The following SIPA1L3 variants were observed in gnomAD, a reference collection of about 807,000 sequenced individuals.
SIPA1L3 encodes signal-induced proliferation-associated 1-like protein 3.
Under a neutral mutation model 150.1 loss-of-function variants are expected in SIPA1L3, and 59 were observed. The observed-to-expected ratio is 0.39, with a 90% confidence interval of 0.32 to 0.49. SIPA1L3 has a LOEUF of 0.49. SIPA1L3 is among the 20% of genes least tolerant of loss of function. The pLI is 0.86. For missense variants in SIPA1L3, 2,211 were observed against 2,489.5 expected (o/e 0.89, Z 2.38); for synonymous variants, 1,070 against 1,077.6 (o/e 0.99, Z 0.14).
At chr19:38,152,811 C>G in intron 12 of SIPA1L3, 29 bp from the exon 13 acceptor site, 3 of 1,593,716 alleles carry the variant, frequency 1.9e-6, no homozygotes, top group Non-Finnish European at 2.6e-6. Flanking sequence ...GATCTTTAAC[C>G]CTGGGCACGT....
intron 1 of SIPA1L3, among the ~76,000 whole-genome samples, chr19:38,000,726 G>A (rs1967763817): frequency 1.4e-5 from 2 of 143,938 alleles, no homozygotes; most frequent in Non-Finnish European, 3.0e-5. Flanking sequence ...ACTTTAAAGA[G>A]AGAAAATGTC....
At chr19:37,927,698 A>G (rs1280847265) in intron 1 of SIPA1L3, among the ~76,000 whole-genome samples, 1 of 133,832 alleles carries the variant, frequency 7.5e-6, no homozygotes, top group Non-Finnish European at 1.6e-5. Flanking sequence ...TGTGTATGCA[A>G]TGTTTAGCTC....
intron 15 of SIPA1L3, among the ~76,000 whole-genome samples, chr19:38,175,184 C>T (rs1972410668): frequency 1.3e-5 from 2 of 152,106 alleles, no homozygotes; most frequent in East Asian, 1.9e-4. Context: ...GGGGTTGCTA[C>T]GGCGGCTAAG....
Position 37,973,559 on chromosome 19 carries a change from G to GGT in SIPA1L3, c.-378-55530_-378-55529insGT, listed in dbSNP as rs779351790. Among the ~76,000 whole-genome samples, 18 of 142,874 alleles carry GGT rather than the reference G, an allele frequency of 1.3e-4. 1 individual carries two copies. Among genetic ancestry groups the GGT allele is most frequent in the Admixed American group, 6.2e-4 (9 of 14,570 alleles). The allele number at this position is 142,874 out of a possible 152,430, so 93.7% of individuals were successfully genotyped here. A position where few individuals can be genotyped will look rare whatever the true frequency, so the allele number is the denominator to read the frequency against. On this transcript the variant is annotated intron_variant, in intron 1 of 21. Coordinates refer to ENST00000222345, the MANE Select transcript of SIPA1L3 (RefSeq NM_015073.3). ...CAAAAAAAAAAAAAAAAAAAAGCGG[G>GGT]AGGGGGGCGCATCTTGAAGCACTAA...
intron 2 of SIPA1L3, among the ~76,000 whole-genome samples, chr19:38,065,186 G>A (rs1314784017): frequency 6.6e-6 from 1 of 152,202 alleles, no homozygotes; most frequent in South Asian, 2.1e-4. Flanking sequence ...GTGAACACAA[G>A]GTGGGGTGCA....
intron 2 of SIPA1L3, among the ~76,000 whole-genome samples, chr19:38,038,554 G>C (rs1599938830): frequency 7.2e-6 from 1 of 139,184 alleles, no homozygotes; most frequent in South Asian, 2.2e-4. Flanking sequence ...TCACGTCACT[G>C]CACTGTAGCC....
chr19:38,039,328 G>T (rs1373785561), intron 2 of SIPA1L3, among the ~76,000 whole-genome samples: 1 of 147,718 alleles, frequency 6.8e-6, no homozygotes, highest in Admixed American at 6.9e-5. Flanking sequence ...AATGCCATAC[G>T]TGCCCCAAAA....
chr19:38,128,490 A>G (rs898539842), intron 9 of SIPA1L3, among the ~76,000 whole-genome samples: 2 of 152,232 alleles, frequency 1.3e-5, no homozygotes, highest in Admixed American at 1.3e-4. Context: ...TTTGAATTGC[A>G]AGGAATATTT....
At chr19:38,122,678 G>A (rs958300937) in intron 9 of SIPA1L3, among the ~76,000 whole-genome samples, 1 of 152,088 alleles carries the variant, frequency 6.6e-6, no homozygotes, top group African/African-American at 2.4e-5. Context: ...GCTCCCTGTC[G>A]ACTTCTCTGA....
Position 38,081,450 on chromosome 19 carries a change from G to A in SIPA1L3, c.-116G>A. 2.0e-6 allele frequency: 2 copies of A among 979,338 alleles called. No homozygotes were observed. Among genetic ancestry groups the A allele is most frequent in the Admixed American group, 5.3e-5 (2 of 37,864 alleles). The allele number at this position is 979,338 out of a possible 1,614,324, so 60.7% of individuals were successfully genotyped here. ...TCACAACCTTCCTGTCAGGTTTCAG[G>A]GCCCAGCATCCTTCATCCTGGGCCT... On this transcript the variant is annotated 5_prime_UTR_variant, in exon 3 of 22. Coordinates refer to ENST00000222345, the MANE Select transcript of SIPA1L3 (RefSeq NM_015073.3).
At chr19:37,964,525 C>G (rs1310939959) in intron 1 of SIPA1L3, 1 of 154,790 alleles carries the variant, frequency 6.5e-6, no homozygotes, top group Non-Finnish European at 1.4e-5. Context: ...GACAGAGTCT[C>G]ACTCTGTCAT....
chr19:38,017,768 C>T (rs1968272000), intron 1 of SIPA1L3, among the ~76,000 whole-genome samples: 1 of 152,054 alleles, frequency 6.6e-6, no homozygotes, highest in South Asian at 2.1e-4. Context: ...TGGGCTAAAG[C>T]AATCCTCCCA....
In SIPA1L3 at chr19:38,022,680, C is replaced by T. The variant is rs190046676; in HGVS notation, c.-378-6409C>T. Among the ~76,000 whole-genome samples the T allele has an allele frequency of 4.9e-3, 741 of 152,254 alleles. 15 individuals carry two copies. Among genetic ancestry groups the T allele is most frequent in the Admixed American group, 0.045 (695 of 15,286 alleles). On this transcript the variant is annotated intron_variant, in intron 1 of 21. Coordinates refer to ENST00000222345, the MANE Select transcript of SIPA1L3 (RefSeq NM_015073.3). ...CCGAGATGGTGCCACTGCACTCCAGCCTGGGTGACAGAGCGAGACTCCATC... is the reference window on the plus strand; with the variant it reads ...CCGAGATGGTGCCACTGCACTCCAGTCTGGGTGACAGAGCGAGACTCCATC...
At chr19:37,940,509 C>T (rs2046644577) in intron 1 of SIPA1L3, among the ~76,000 whole-genome samples, 1 of 152,058 alleles carries the variant, frequency 6.6e-6, no homozygotes, top group African/African-American at 2.4e-5. Flanking sequence ...CTGGTATCCG[C>T]ACAGTGTTAA....
intron 2 of SIPA1L3, among the ~76,000 whole-genome samples, chr19:38,035,620 C>T (rs1246764831): frequency 6.6e-6 from 1 of 152,122 alleles, no homozygotes. Context: ...GTGGGTGCTT[C>T]CATTTTCTCC....
intron 1 of SIPA1L3, among the ~76,000 whole-genome samples, chr19:37,920,778 A>G (rs937034417): frequency 1.3e-5 from 2 of 152,196 alleles, no homozygotes; most frequent in Non-Finnish European, 2.9e-5. Flanking sequence ...CCTTTGATAA[A>G]GCCGTGTCTG....
intron 3 of SIPA1L3, chr19:38,087,691 G>A (rs979893209): frequency 1.3e-5 from 2 of 152,310 alleles, no homozygotes; most frequent in Non-Finnish European, 2.9e-5. Flanking sequence ...TGTGTCCCAT[G>A]CCTGGCTAAA....
At chr19:38,175,014 C>T (rs1337641909) in intron 15 of SIPA1L3, among the ~76,000 whole-genome samples, 1 of 152,048 alleles carries the variant, frequency 6.6e-6, no homozygotes, top group Non-Finnish European at 1.5e-5. Flanking sequence ...ACTGGGAGTA[C>T]AGAATGGTGG....
At chr19:37,940,311 A>C (rs150747696) in intron 1 of SIPA1L3, among the ~76,000 whole-genome samples, 2,467 of 150,332 alleles carry the variant, frequency 0.016, 35 homozygotes, top group Middle Eastern at 0.038. Context: ...AAAAAAAAAC[A>C]AAAAAAAAGC....
Sources: allele counts gnomAD v4.1 joint callset (sites outside exome capture counted in the v4.1 genomes callset), GRCh38; gene constraint gnomAD v4.1.1; transcripts MANE v1.5; gene names NCBI Gene and HGNC (gene_info 2026-07-23, HGNC 2026-07-21).